The following EYS variants were observed in gnomAD, a reference collection of about 807,000 sequenced individuals.
EYS encodes the protein EGF-like photoreceptor maintenance factor.
Under a neutral mutation model 282.1 loss-of-function variants are expected in EYS, and 250 were observed. The ratio of observed to expected loss-of-function variants is 0.89; its 90% CI spans 0.80 to 0.98. EYS has a LOEUF of 0.98. EYS is among the 50% of genes least tolerant of loss of function. The pLI is 0.00. For missense variants in EYS, 4,016 were observed against 3,709.0 expected, an observed-to-expected ratio of 1.08 and a Z score of -2.15; for synonymous variants, 1,355 against 1,282.9, an observed-to-expected ratio of 1.06 and a Z score of -1.20.
intron 36 of EYS, among the ~76,000 whole-genome samples, chr6:63,820,620 C>G (rs1192203951): frequency 1.3e-5 from 2 of 152,120 alleles, no homozygotes; most frequent in Admixed American, 1.3e-4. Context: ...TATTTTAATA[C>G]ATAATATAAA....
chr6:64,303,864 C>T (rs1254136589), intron 30 of EYS, among the ~76,000 whole-genome samples: 85 of 144,736 alleles, frequency 5.9e-4, no homozygotes, highest in Non-Finnish European at 3.0e-5. Flanking sequence ...AAAAAAAAGC[C>T]TCAGGGTAGG....
chr6:65,046,332 G>C (rs1263169866), intron 13 of EYS, among the ~76,000 whole-genome samples: 1 of 151,902 alleles, frequency 6.6e-6, no homozygotes, highest in Non-Finnish European at 1.5e-5. Context: ...CATTGGTACA[G>C]TGATAAATTT....
At chr6:64,877,485 A>G (rs1214196546) in intron 19 of EYS, among the ~76,000 whole-genome samples, 2 of 152,218 alleles carry the variant, frequency 1.3e-5, no homozygotes, top group African/African-American at 4.8e-5. Flanking sequence ...GATGATCTAA[A>G]CAATTATGCG....
At chr6:65,157,693 T>G (rs1035489698) in intron 12 of EYS, among the ~76,000 whole-genome samples, 2 of 150,812 alleles carry the variant, frequency 1.3e-5, no homozygotes. Flanking sequence ...TAAAATATTA[T>G]ATCTATTTTG....
chr6:64,781,937 TGGC>T (rs1773875550), intron 22 of EYS, among the ~76,000 whole-genome samples: 1 of 152,210 alleles, frequency 6.6e-6, no homozygotes, highest in African/African-American at 2.4e-5. Flanking sequence ...ATGCTAAATA[TGGC>T]ACAGTGGATA....
intron 15 of EYS, among the ~76,000 whole-genome samples, chr6:64,935,649 A>G (rs1205803555): frequency 6.6e-6 from 1 of 151,864 alleles, no homozygotes; most frequent in East Asian, 1.9e-4. Flanking sequence ...TCTTCCAAAA[A>G]CAAAAAAGGA....
chr6:64,133,802 C>G (rs1174902665), intron 31 of EYS, among the ~76,000 whole-genome samples: 1 of 151,972 alleles, frequency 6.6e-6, no homozygotes, highest in Non-Finnish European at 1.5e-5. Flanking sequence ...GACTTGCCTT[C>G]ACAAATGGGT....
intron 2 of EYS, among the ~76,000 whole-genome samples, chr6:65,503,914 T>C (rs1279748060): frequency 6.6e-6 from 1 of 151,664 alleles, no homozygotes; most frequent in Non-Finnish European, 1.5e-5. Flanking sequence ...CTTATTTTCT[T>C]CAGTAATTTG....
chr6:64,743,714 A>AT (rs533130325), intron 22 of EYS, among the ~76,000 whole-genome samples: 104 of 152,224 alleles, frequency 6.8e-4, no homozygotes, highest in African/African-American at 1.4e-3. Flanking sequence ...AAGTTACTTG[A>AT]TTTTTTTGTT....
chr6:65,601,307 A>G (rs766320774), intron 2 of EYS, among the ~76,000 whole-genome samples: 3 of 151,956 alleles, frequency 2.0e-5, no homozygotes, highest in South Asian at 2.1e-4. Flanking sequence ...TAGCAAAACA[A>G]TAAGTCTAAT....
At chr6:63,871,753 A>G (rs1038634847) in intron 35 of EYS, among the ~76,000 whole-genome samples, 1 of 152,160 alleles carries the variant, frequency 6.6e-6, no homozygotes, top group Non-Finnish European at 1.5e-5. Flanking sequence ...GGACCCTGTA[A>G]ACACATTCCC....
At chr6:63,974,171 C>G (rs1766720729) in intron 35 of EYS, among the ~76,000 whole-genome samples, 1 of 151,982 alleles carries the variant, frequency 6.6e-6, no homozygotes. Context: ...TTAACAGTGG[C>G]ATGTTTAATT....
At chr6:64,395,720 A>G in intron 28 of EYS, among the ~76,000 whole-genome samples, 1 of 151,846 alleles carries the variant, frequency 6.6e-6, no homozygotes, top group Non-Finnish European at 1.5e-5. Context: ...CCAGCATGGC[A>G]CATGTATACA....
chr6:64,787,450 C>CT (rs140289342), intron 22 of EYS, among the ~76,000 whole-genome samples: 1 of 151,590 alleles, frequency 6.6e-6, no homozygotes, highest in African/African-American at 2.4e-5. Flanking sequence ...TTTTTAAAAA[C>CT]TTTGTTTTTT....
intron 32 of EYS, among the ~76,000 whole-genome samples, chr6:64,077,550 A>G (rs972880784): frequency 6.6e-6 from 1 of 152,030 alleles, no homozygotes; most frequent in Non-Finnish European, 1.5e-5. Context: ...TTTTAAATAC[A>G]AACATTAAGT....
intron 12 of EYS, among the ~76,000 whole-genome samples, chr6:65,065,862 C>G (rs748941044): frequency 6.6e-6 from 1 of 152,182 alleles, no homozygotes; most frequent in Non-Finnish European, 1.5e-5. Flanking sequence ...CCCACACTTA[C>G]TACCTTATGG....
Position 65,145,418 on chromosome 6 carries a change from T to C in EYS, c.2024-87691A>G, listed in dbSNP as rs142993206. On this transcript the variant is annotated intron_variant, in intron 12 of 42. Coordinates refer to ENST00000503581, the MANE Select transcript of EYS (RefSeq NM_001142800.2). ...GATAGTTAAGTTTATTGAAGCCCTGTATCTTTAGGTATTTGTGTCTAAAAG... is the reference window on the plus strand; with the variant it reads ...GATAGTTAAGTTTATTGAAGCCCTGCATCTTTAGGTATTTGTGTCTAAAAG... Among the ~76,000 whole-genome samples the C allele has an allele frequency of 4.7e-3, 708 of 152,080 alleles. 11 individuals are homozygous for C. The highest frequency in any genetic ancestry group is 0.015 in the African/African-American group (617 of 41,524).
At chr6:65,286,727 T>G (rs1175249970) in intron 12 of EYS, among the ~76,000 whole-genome samples, 1 of 151,696 alleles carries the variant, frequency 6.6e-6, no homozygotes, top group Non-Finnish European at 1.5e-5. Flanking sequence ...ATATGCCACT[T>G]AGTTATGCTG....
intron 40 of EYS, among the ~76,000 whole-genome samples, chr6:63,763,381 T>C (rs1769699048): frequency 6.6e-6 from 1 of 152,034 alleles, no homozygotes; most frequent in Non-Finnish European, 1.5e-5. Context: ...GAGCATCTAG[T>C]TAAATTTAAA....
Sources: gnomAD v4.1 joint callset for allele counts (sites outside exome capture counted in the v4.1 genomes callset) on GRCh38, gnomAD v4.1.1 for gene constraint, MANE v1.5 for transcripts, NCBI Gene and HGNC (gene_info 2026-07-23, HGNC 2026-07-21) for gene names.